Variants in RGS3 observed in about 807,000 individuals in gnomAD.
RGS3 encodes the protein regulator of G protein signaling 3, also known as regulator of G-protein signalling 3.
RGS3 carries 80 observed loss-of-function variants against 132.6 expected under a neutral mutation model. That is an observed-to-expected ratio of 0.60 (90% CI 0.50 to 0.73). The LOEUF is 0.73. Ranked by LOEUF, RGS3 falls within the 30% of genes least tolerant of loss-of-function variation. RGS3 has a pLI of 0.00. For synonymous variants in RGS3, 598 were observed against 620.6 expected, an observed-to-expected ratio of 0.96 and a Z score of 0.54; for missense variants, 1,382 against 1,530.8, an observed-to-expected ratio of 0.90 and a Z score of 1.62.
Position 113,565,875 on chromosome 9 carries a change from CTGTGTGTGTGTGTG to C in RGS3, c.2038-17547_2038-17534del, listed in dbSNP as rs34919768. 1.4e-5 allele frequency: 2 copies of C among 138,956 alleles called. No homozygotes were observed. The highest frequency in any genetic ancestry group is 3.0e-5 in the African/African-American group (1 of 33,188). 8.6% of individuals were successfully genotyped at this position (138,956 alleles called of 1,614,324 possible). ...ATTTGTGCTCTGTTCTGAGATAGCT[CTGTGTGTGTGTGTG>C]TGTGTGTGTGTGTGTGTGTGTGTGT... On this transcript the variant is annotated intron_variant, in intron 19 of 24. Coordinates refer to ENST00000350696, the Ensembl canonical transcript of RGS3. The surrounding 1 kb of genome is among the most constrained non-coding windows in gnomAD (Gnocchi z 5.7).
At chr9:113,536,072 A>G (rs188234471) in intron 18 of RGS3, among the ~76,000 whole-genome samples, 3 of 152,248 alleles carry the variant, frequency 2.0e-5, no homozygotes, top group African/African-American at 4.8e-5. Context: ...AGGCCTTTCT[A>G]GGAGGGGTTT....
At chr9:113,476,328 C>T (rs953759049) in intron 3 of RGS3, among the ~76,000 whole-genome samples, 10 of 152,164 alleles carry the variant, frequency 6.6e-5, no homozygotes, top group African/African-American at 2.4e-4. Context: ...AGCAAATCAC[C>T]TTCCATCTCA....
rs1193761136 is a variant in RGS3 at position 113,469,899 on chromosome 9, TG to T, written c.415+7699del. 5.9e-4 allele frequency among the ~76,000 whole-genome samples: 88 copies of T among 150,302 alleles called. 1 individual carries two copies. Among genetic ancestry groups the T allele is most frequent in the African/African-American group, 9.4e-4 (39 of 41,400 alleles). Reference sequence around the variant, plus strand: ...TTTACTTGATGCCTCAGCATATAGTTGTTTTTTTTTTTTTTTGTCGTTGTTG... The same window carrying T: ...TTTACTTGATGCCTCAGCATATAGTTTTTTTTTTTTTTTTTGTCGTTGTTG... On this transcript the variant is annotated intron_variant, in intron 3 of 24. Transcript: ENST00000350696.
intron 1 of RGS3, among the ~76,000 whole-genome samples, chr9:113,453,171 T>C (rs185544940): frequency 0.012 from 1,567 of 130,124 alleles, 56 homozygotes; most frequent in East Asian, 0.1. Flanking sequence ...CATATGATTA[T>C]ATAATATACT....
At chr9:113,549,469 C>CT (rs148990898) in intron 19 of RGS3, among the ~76,000 whole-genome samples, 18,134 of 151,386 alleles carry the variant, frequency 0.12, 1,279 homozygotes, top group African/African-American at 0.19. Flanking sequence ...ATGCAGTTGA[C>CT]TTTTTTTTTG....
intron 10 of RGS3, among the ~76,000 whole-genome samples, chr9:113,504,361 C>T (rs945255461): frequency 1.3e-5 from 2 of 152,180 alleles, no homozygotes; most frequent in Non-Finnish European, 2.9e-5. Flanking sequence ...TCTCGGGACC[C>T]CTTGAATCCC....
chr9:113,581,955 C>T (rs1195039738), intron 19 of RGS3: 1 of 895,862 alleles, frequency 1.1e-6, no homozygotes, highest in Non-Finnish European at 1.3e-6. Flanking sequence ...CAAGGCCTCC[C>T]CTCCCTTGCC....
rs941332577 is a variant in RGS3 at position 113,579,378 on chromosome 9, A to C, written c.2038-4072A>C. Among the ~76,000 whole-genome samples, 2 of 152,066 alleles carry C rather than the reference A, an allele frequency of 1.3e-5. No individual in the cohort carries two copies. The highest frequency in any genetic ancestry group is 4.8e-5 in the African/African-American group (2 of 41,404). ...AGCTCTGGATTGGATTTGGGAGAGG[A>C]TTTGATTAGGTCCTAAACAGTGACT... On this transcript the variant is annotated intron_variant, in intron 19 of 24. Coordinates refer to ENST00000350696, the Ensembl canonical transcript of RGS3. This position sits in a 1 kb window ranked among gnomAD's most constrained non-coding sequence, Gnocchi z 4.3.
intron 1 of RGS3, among the ~76,000 whole-genome samples, chr9:113,446,539 G>A (rs1277839654): frequency 2.0e-5 from 3 of 152,116 alleles, no homozygotes; most frequent in South Asian, 2.1e-4. Context: ...CCAAAGAAAC[G>A]TCTTAATGAG....
chr9:113,589,086 T>G (rs1196017014), intron 20 of RGS3: 1 of 152,290 alleles, frequency 6.6e-6, no homozygotes. Flanking sequence ...AAGGGCTGTA[T>G]GGTCCTGGAC....
intron 7 of RGS3, among the ~76,000 whole-genome samples, chr9:113,488,491 G>A (rs1284692820): frequency 6.6e-6 from 1 of 152,214 alleles, no homozygotes; most frequent in African/African-American, 2.4e-5. Flanking sequence ...GGCCAATGAA[G>A]GGAAGGTCCT....
chr9:113,549,084 C>G (rs1362554855), intron 19 of RGS3, among the ~76,000 whole-genome samples: 1 of 152,204 alleles, frequency 6.6e-6, no homozygotes, highest in Admixed American at 6.5e-5. Flanking sequence ...GGACAGAGGC[C>G]TCAGTGGCTC....
intron 17 of RGS3, among the ~76,000 whole-genome samples, chr9:113,527,813 G>C (rs1832281643): frequency 6.6e-6 from 1 of 152,180 alleles, no homozygotes; most frequent in African/African-American, 2.4e-5. Context: ...TAATTTTGCT[G>C]TCTTTGACAA....
intron 20 of RGS3, 115 bp downstream of exon 18, chr9:113,584,542 C>G (rs768724378): frequency 4.5e-5 from 55 of 1,212,080 alleles, no homozygotes; most frequent in Non-Finnish European, 5.9e-5. Context: ...TGGCAGCCTC[C>G]CAGCGAACTT....
chr9:113,581,566 C>T (rs745365909), intron 19 of RGS3: 8 of 152,260 alleles, frequency 5.3e-5, no homozygotes, highest in Admixed American at 2.0e-4. Flanking sequence ...TAGGAGCTTT[C>T]GAGCTTTCCA....
intron 17 of RGS3, among the ~76,000 whole-genome samples, chr9:113,527,879 G>A (rs1169176124): frequency 2.6e-5 from 4 of 152,190 alleles, no homozygotes; most frequent in African/African-American, 9.7e-5. Context: ...CACTGGCCTG[G>A]TGCTTTGAGA....
intron 1 of RGS3, among the ~76,000 whole-genome samples, chr9:113,448,267 C>T (rs950961017): frequency 6.6e-6 from 1 of 152,096 alleles, no homozygotes. Context: ...CAAGCCTAAC[C>T]TCTTTCACTT....
chr9:113,590,976 A>G (rs1428103497), intron 20 of RGS3, among the ~76,000 whole-genome samples: 7 of 152,240 alleles, frequency 4.6e-5, no homozygotes, highest in Non-Finnish European at 1.0e-4. Flanking sequence ...ATAGAGGCTT[A>G]GAGAGGGGCA....
chr9:113,545,289 G>GA (rs1481972589), intron 19 of RGS3, among the ~76,000 whole-genome samples: 1 of 152,260 alleles, frequency 6.6e-6, no homozygotes, highest in African/African-American at 2.4e-5. Context: ...TTTGACCTGA[G>GA]ACCAGCTGAG....
Sources: allele counts gnomAD v4.1 joint callset (sites outside exome capture counted in the v4.1 genomes callset), GRCh38; gene constraint gnomAD v4.1.1; non-coding constraint Gnocchi (gnomAD v3.1); transcripts MANE v1.5; gene names NCBI Gene and HGNC (gene_info 2026-07-23, HGNC 2026-07-21).